The following ZSWIM6 variants were observed in gnomAD, a reference collection of about 807,000 sequenced individuals.
ZSWIM6 encodes zinc finger SWIM-type containing 6.
In ZSWIM6, 9 loss-of-function variants were observed where a neutral mutation model predicts 113.2. The ratio of observed to expected loss-of-function variants is 0.08; its 90% CI spans 0.05 to 0.14. ZSWIM6 has a LOEUF of 0.14. ZSWIM6 is among the 10% of genes least tolerant of loss of function. The probability of loss-of-function intolerance (pLI) is 1.00; values close to 1 mark genes in which losing one functional copy is unlikely to be tolerated. For synonymous variants in ZSWIM6, 611 were observed against 606.5 expected, an observed-to-expected ratio of 1.01 and a Z score of -0.11; for missense variants, 1,162 against 1,552.2, an observed-to-expected ratio of 0.75 and a Z score of 4.22.
chr5:61,522,881 C>G (rs1749170096), intron 5 of ZSWIM6, among the ~76,000 whole-genome samples: 1 of 152,186 alleles, frequency 6.6e-6, no homozygotes, highest in Admixed American at 6.5e-5. Flanking sequence ...GACTGCTACT[C>G]AAACATTTTA....
intron 1 of ZSWIM6, among the ~76,000 whole-genome samples, chr5:61,419,940 C>G (rs1457417994): frequency 1.3e-5 from 2 of 152,206 alleles, no homozygotes; most frequent in African/African-American, 4.8e-5. Context: ...GGGTTGAGAT[C>G]CAACTTTGCC....
At chr5:61,343,083 AAGG>A (rs1452690706) in intron 1 of ZSWIM6, among the ~76,000 whole-genome samples, 1 of 152,224 alleles carries the variant, frequency 6.6e-6, no homozygotes, top group Admixed American at 6.5e-5. Flanking sequence ...ATCTCATTTT[AAGG>A]TCCTTTTAAA....
At chr5:61,504,452 A>C (rs1748547906) in intron 4 of ZSWIM6, among the ~76,000 whole-genome samples, 1 of 152,224 alleles carries the variant, frequency 6.6e-6, no homozygotes, top group African/African-American at 2.4e-5. Context: ...TCACTAATAG[A>C]ATGAATTAGA....
At chr5:61,372,633 A>G (rs934444851) in intron 1 of ZSWIM6, among the ~76,000 whole-genome samples, 10 of 152,062 alleles carry the variant, frequency 6.6e-5, no homozygotes, top group Non-Finnish European at 1.5e-4. Context: ...CTCTCAAACC[A>G]CTATGTACCA....
At chr5:61,461,092 T>A (rs950730675) in intron 1 of ZSWIM6, among the ~76,000 whole-genome samples, 2 of 152,158 alleles carry the variant, frequency 1.3e-5, no homozygotes, top group Middle Eastern at 3.2e-3. Context: ...TTGGAGTTTT[T>A]AAAAAATTTC....
At chr5:61,363,302 C>CA (rs1489048938) in intron 1 of ZSWIM6, among the ~76,000 whole-genome samples, 1 of 152,224 alleles carries the variant, frequency 6.6e-6, no homozygotes, top group Non-Finnish European at 1.5e-5. Flanking sequence ...ATCATGGAAT[C>CA]AGAGTAACCT....
At chr5:61,497,470 T>C (rs948862765) in intron 4 of ZSWIM6, among the ~76,000 whole-genome samples, 3 of 152,218 alleles carry the variant, frequency 2.0e-5, no homozygotes, top group African/African-American at 7.2e-5. Flanking sequence ...CTGATTATTC[T>C]GTTTTTCTTT....
At chr5:61,419,137 A>G (rs1208999702) in intron 1 of ZSWIM6, among the ~76,000 whole-genome samples, 1 of 152,172 alleles carries the variant, frequency 6.6e-6, no homozygotes, top group Non-Finnish European at 1.5e-5. Context: ...TTTATAACTT[A>G]GTTGGGTTAG....
At chr5:61,375,083 G>A in intron 1 of ZSWIM6, 1 of 1,593,562 alleles carries the variant, frequency 6.3e-7, no homozygotes, top group Non-Finnish European at 8.6e-7. Flanking sequence ...GTTTCCCTCG[G>A]TGTGCTACTG....
In ZSWIM6 at chr5:61,543,584, A is replaced by G. The variant is rs1170259343; in HGVS notation, c.2915A>G (p.Gln972Arg). 1 of 1,551,772 alleles carries G rather than the reference A, an allele frequency of 6.4e-7. No homozygotes were observed. Among genetic ancestry groups the G allele is most frequent in the African/African-American group, 1.4e-5 (1 of 73,152 alleles). Residue 972 changes from glutamine (Q) to arginine (R), a missense_variant, in exon 14 of 14, where the codon CAG becomes CGG. Physicochemically the swap from Gln to Arg is conservative, Grantham distance 43. This residue lies in a region of ZSWIM6 where 620 missense variants were observed against 804.6 expected (regional missense o/e 0.77). Coordinates refer to ENST00000252744, the MANE Select transcript of ZSWIM6 (RefSeq NM_020928.2). This position sits in a 1 kb window ranked among gnomAD's most constrained non-coding sequence, Gnocchi z 4.3. The stretch of plus-strand genomic sequence containing the variant: ...GTCCGCCTCCACCTGGACTGCCACC[A>G]GCAGGAAAAGCTGGCCAGCAGCGCC... ...TIVRLHLDCHQQEKLASSART... is the reference protein window; with the variant it reads ...TIVRLHLDCHRQEKLASSART...
Position 61,517,495 on chromosome 5 carries a change from C to T in ZSWIM6, c.1334-3768C>T, listed in dbSNP as rs576114443. ...TCATTTTTTTATAGTTTATATTTCA[C>T]TTCTGAAAACTGCCTTTCTATTCCT... On this transcript the variant is annotated intron_variant, in intron 4 of 13. Coordinates refer to ENST00000252744, the MANE Select transcript of ZSWIM6 (RefSeq NM_020928.2). 1.1e-4 allele frequency among the ~76,000 whole-genome samples: 17 copies of T among 152,130 alleles called. No individual in the cohort carries two copies. The South Asian group carries it at 3.3e-3, about 30-fold the overall frequency.
At chr5:61,431,775 CTT>C (rs1746588900) in intron 1 of ZSWIM6, among the ~76,000 whole-genome samples, 2 of 152,060 alleles carry the variant, frequency 1.3e-5, no homozygotes, top group South Asian at 4.1e-4. Flanking sequence ...ACAAAAAAAA[CTT>C]TGACTACTTC....
At position 61,530,227 on chromosome 5, in the gene ZSWIM6, C is replaced by G. The variant is rs759528169; in HGVS notation, c.1984+29C>G. The stretch of plus-strand genomic sequence containing the variant: ...AAACCATTGACATTTGTCTCATGTG[C>G]TTTTCTTTTTCTAAACCCTGAATGG... On this transcript the variant is annotated intron_variant, in intron 8 of 13. Coordinates refer to ENST00000252744, the MANE Select transcript of ZSWIM6 (RefSeq NM_020928.2). The G allele has an allele frequency of 1.1e-5, 17 of 1,526,354 alleles. No individual in the cohort carries two copies. In the East Asian group the frequency reaches 3.0e-4, roughly 27 times the overall value. 94.6% of individuals were successfully genotyped at this position (1,526,354 alleles called of 1,614,324 possible). A position where few individuals can be genotyped will look rare whatever the true frequency, so the allele number is the denominator to read the frequency against.
intron 2 of ZSWIM6, among the ~76,000 whole-genome samples, chr5:61,474,875 C>T (rs914058086): frequency 2.6e-5 from 4 of 152,160 alleles, no homozygotes; most frequent in Non-Finnish European, 1.5e-5. Flanking sequence ...TAGTACTCCC[C>T]ATATCAGGCT....
At chr5:61,398,929 T>G (rs74976706) in intron 1 of ZSWIM6, among the ~76,000 whole-genome samples, 2 of 140,274 alleles carry the variant, frequency 1.4e-5, no homozygotes, top group Admixed American at 1.4e-4. Context: ...TTTTTTTTTT[T>G]TTTTTTTTTT....
At chr5:61,408,798 TG>T (rs892003769) in intron 1 of ZSWIM6, among the ~76,000 whole-genome samples, 1 of 152,090 alleles carries the variant, frequency 6.6e-6, no homozygotes, top group Non-Finnish European at 1.5e-5. Flanking sequence ...TTCCCACCAG[TG>T]GGTTTGTCTG....
intron 2 of ZSWIM6, 142 bp from the exon 3 acceptor site, chr5:61,490,644 T>C (rs1748154967): frequency 2.6e-6 from 2 of 774,002 alleles, no homozygotes. Context: ...AGAGTGATCC[T>C]TGTATTTAGT....
At chr5:61,450,274 T>C (rs1038939224) in intron 1 of ZSWIM6, among the ~76,000 whole-genome samples, 12 of 152,148 alleles carry the variant, frequency 7.9e-5, no homozygotes, top group African/African-American at 2.9e-4. Flanking sequence ...GGTGATTTGT[T>C]CAAATTCTTC....
intron 8 of ZSWIM6, among the ~76,000 whole-genome samples, chr5:61,530,760 A>C (rs1187062995): frequency 6.6e-6 from 1 of 152,204 alleles, no homozygotes. Context: ...GAGGTAAGGC[A>C]GGGAGTAACG....
Sources: allele counts gnomAD v4.1 joint callset (sites outside exome capture counted in the v4.1 genomes callset), GRCh38; gene constraint gnomAD v4.1.1; regional missense constraint gnomAD v4.1.1; non-coding constraint Gnocchi (gnomAD v3.1); transcripts MANE v1.5; gene names NCBI Gene and HGNC (gene_info 2026-07-23, HGNC 2026-07-21).